USH2A: variants seen among roughly 807,000 people sequenced by gnomAD.
USH2A encodes Usher syndrome 2A (autosomal recessive, mild).
Under a neutral mutation model 538.9 loss-of-function variants are expected in USH2A, and 443 were observed. The observed-to-expected ratio is 0.82, with a 90% confidence interval of 0.76 to 0.89. The LOEUF is 0.89. Ranked by LOEUF, USH2A falls within the 40% of genes least tolerant of loss-of-function variation. USH2A has a pLI of 0.00. For missense variants in USH2A, 6,633 were observed against 6,324.8 expected (o/e 1.05, Z -1.65); for synonymous variants, 2,413 against 2,273.5 (o/e 1.06, Z -1.75).
Position 216,078,197 on chromosome 1 carries a change from G to A in USH2A, c.5464C>T (p.His1822Tyr). Residue 1822 changes from histidine (H) to tyrosine (Y), a missense_variant, in exon 27 of 72, where the codon CAT (histidine) becomes TAT (tyrosine). By Grantham distance (83) the His-to-Tyr change is moderately conservative (BLOSUM62 2). Coordinates refer to ENST00000307340, the MANE Select transcript of USH2A (RefSeq NM_206933.4). ...ISASVNGLMKHASESGDQPLV... is the reference protein window; with the variant it reads ...ISASVNGLMKYASESGDQPLV... Reference sequence around the variant, plus strand: ...GGCTGGTCTCCGGACTCCGATGCATGCTTCATCAGTCCATTCACACTTGCT... The same window carrying A: ...GGCTGGTCTCCGGACTCCGATGCATACTTCATCAGTCCATTCACACTTGCT... The A allele has an allele frequency of 6.2e-7, 1 of 1,613,806 alleles. No homozygotes were observed. The highest frequency in any genetic ancestry group is 8.5e-7 in the Non-Finnish European group (1 of 1,179,800).
chr1:216,355,332 A>AAAGG (rs2038368307), intron 4 of USH2A, among the ~76,000 whole-genome samples: 1 of 145,930 alleles, frequency 6.9e-6, no homozygotes, highest in African/African-American at 2.5e-5. Context: ...AGAAAGAAAG[A>AAAGG]AAGAAAGAAA....
At chr1:215,651,598 C>A (rs1377535885) in intron 64 of USH2A, among the ~76,000 whole-genome samples, 1 of 150,548 alleles carries the variant, frequency 6.6e-6, no homozygotes, top group African/African-American at 2.4e-5. Flanking sequence ...TGCCCCCGAG[C>A]TTTTAAAGAC....
intron 20 of USH2A, among the ~76,000 whole-genome samples, chr1:216,180,404 G>C (rs190088823): frequency 6.6e-6 from 1 of 151,772 alleles, no homozygotes. Context: ...CTATCTATTC[G>C]ATGTATAGAT....
intron 57 of USH2A, 52 bp downstream of exon 57, chr1:215,759,608 G>T: frequency 1.2e-6 from 2 of 1,603,536 alleles, no homozygotes; most frequent in South Asian, 1.1e-5. Flanking sequence ...TATCAACCCA[G>T]AGAAATGTAC....
At chr1:216,007,782 T>C (rs1668442773) in intron 32 of USH2A, among the ~76,000 whole-genome samples, 1 of 152,214 alleles carries the variant, frequency 6.6e-6, no homozygotes, top group African/African-American at 2.4e-5. Context: ...AGGAACTAGG[T>C]AAGACCCCAG....
chr1:215,717,413 G>A (rs895369552), intron 61 of USH2A, among the ~76,000 whole-genome samples: 1 of 152,144 alleles, frequency 6.6e-6, no homozygotes, highest in African/African-American at 2.4e-5. Flanking sequence ...ATGGTTTGTG[G>A]TTCCATAGAA....
chr1:215,875,461 G>A (rs372656893), intron 43 of USH2A, among the ~76,000 whole-genome samples: 3 of 152,068 alleles, frequency 2.0e-5, no homozygotes, highest in South Asian at 2.1e-4. Flanking sequence ...CAGCTGTCAT[G>A]GGTGTGTTTA....
intron 47 of USH2A, among the ~76,000 whole-genome samples, chr1:215,830,288 T>C: frequency 6.6e-6 from 1 of 152,148 alleles, no homozygotes; most frequent in Non-Finnish European, 1.5e-5. Flanking sequence ...TTTGTCTTCT[T>C]TCTGCTGGGC....
intron 54 of USH2A, 113 bp downstream of exon 54, chr1:215,781,929 C>A (rs1236506122): frequency 1.0e-5 from 15 of 1,438,140 alleles, no homozygotes; most frequent in African/African-American, 1.4e-5. Flanking sequence ...TACTTAACAC[C>A]ACTTTGAGGA....
intron 37 of USH2A, among the ~76,000 whole-genome samples, chr1:215,954,014 A>G (rs1266205520): frequency 6.6e-6 from 1 of 152,232 alleles, no homozygotes; most frequent in Non-Finnish European, 1.5e-5. Flanking sequence ...CCACAATGAG[A>G]TACCATCTGA....
At chr1:216,363,167 C>A (rs1380291242) in intron 4 of USH2A, among the ~76,000 whole-genome samples, 1 of 151,976 alleles carries the variant, frequency 6.6e-6, no homozygotes, top group Non-Finnish European at 1.5e-5. Flanking sequence ...TAAAATCCAG[C>A]CCCATGCCCA....
chr1:215,651,319 G>A (rs1353662445), intron 64 of USH2A, among the ~76,000 whole-genome samples: 2 of 152,184 alleles, frequency 1.3e-5, no homozygotes, highest in African/African-American at 4.8e-5. Flanking sequence ...GTTGCCTTAG[G>A]TCGTCATTTG....
At position 215,976,794 on chromosome 1, in the gene USH2A, G is replaced by GA. The variant is rs1190501993; in HGVS notation, c.6806-6019dup. On this transcript the variant is annotated intron_variant, in intron 35 of 71. Transcript: ENST00000307340. ...GGACTTTTGTGTCTATGTTTATCAG[G>GA]AATATTGGCCTGTAGTTTCCTTTTT... Among the ~76,000 whole-genome samples, 24 of 152,180 alleles carry GA rather than the reference G, an allele frequency of 1.6e-4. 1 individual carries two copies. In the South Asian group the frequency reaches 5.0e-3, roughly 32 times the overall value.
chr1:216,212,744 T>G (rs1260545943), intron 15 of USH2A, among the ~76,000 whole-genome samples: 1 of 151,910 alleles, frequency 6.6e-6, no homozygotes, highest in Non-Finnish European at 1.5e-5. Context: ...TGTGTGTATA[T>G]GTGTATAAAG....
intron 21 of USH2A, among the ~76,000 whole-genome samples, chr1:216,151,452 AAG>A (rs1286585815): frequency 6.6e-6 from 1 of 152,010 alleles, no homozygotes; most frequent in Admixed American, 6.5e-5. Flanking sequence ...CATGACAAAA[AAG>A]AGTTATTCCA....
At position 215,779,843 on chromosome 1, in the gene USH2A, C is replaced by T; in HGVS notation, c.10939G>A (p.Gly3647Ser). 6.2e-7 allele frequency: 1 copy of T among 1,613,848 alleles called. No individual in the cohort carries two copies. The highest frequency in any genetic ancestry group is 8.5e-7 in the Non-Finnish European group (1 of 1,179,996). Residue 3647 changes from glycine (G) to serine (S), a missense_variant and splice_region_variant, in exon 55 of 72, where the codon GGT (glycine) becomes AGT (serine). Transcript: ENST00000307340. The part of the protein sequence containing the change: ...TTDRRQHTVT[G>S]LQPYTNYSFT... Reference sequence around the variant, plus strand: ...ATTTCCTTTTTTTTTGTTTTCTCACCTGTGACCGTATGCTGTCTCCTGTCA... The same window carrying T: ...ATTTCCTTTTTTTTTGTTTTCTCACTTGTGACCGTATGCTGTCTCCTGTCA...
chr1:216,134,807 G>A, intron 21 of USH2A, among the ~76,000 whole-genome samples: 1 of 152,100 alleles, frequency 6.6e-6, no homozygotes, highest in Non-Finnish European at 1.5e-5. Flanking sequence ...AAATTAAATA[G>A]ACACTGTGTC....
At chr1:215,696,342 T>G (rs890694066) in intron 61 of USH2A, among the ~76,000 whole-genome samples, 2 of 152,122 alleles carry the variant, frequency 1.3e-5, no homozygotes, top group African/African-American at 4.8e-5. Flanking sequence ...GAAGAAAAGC[T>G]ATGGGTAAGT....
At chr1:215,785,700 G>A (rs540307351) in intron 52 of USH2A, among the ~76,000 whole-genome samples, 1 of 152,216 alleles carries the variant, frequency 6.6e-6, no homozygotes, top group African/African-American at 2.4e-5. Flanking sequence ...ACTAAATAAT[G>A]TTCAATCAAC....
Sources: gnomAD v4.1 joint callset for allele counts (sites outside exome capture counted in the v4.1 genomes callset) on GRCh38, gnomAD v4.1.1 for gene constraint, MANE v1.5 for transcripts, NCBI Gene and HGNC (gene_info 2026-07-23, HGNC 2026-07-21) for gene names.